HK2: variants seen among roughly 807,000 people sequenced by gnomAD.
The protein encoded by HK2 is hexokinase 2.
In HK2, 42 loss-of-function variants were observed where a neutral mutation model predicts 92.9. The ratio of observed to expected loss-of-function variants is 0.45; its 90% CI spans 0.35 to 0.58. The LOEUF is 0.58. Ranked by LOEUF, HK2 falls within the 20% of genes least tolerant of loss-of-function variation. HK2 has a pLI of 0.00. For missense variants in HK2, 978 were observed against 1,245.1 expected (o/e 0.79, Z 3.23); for synonymous variants, 422 against 468.0 (o/e 0.90, Z 1.27).
chr2:74,840,258 AT>A (rs372633486), intron 1 of HK2, among the ~76,000 whole-genome samples: 1,485 of 132,320 alleles, frequency 0.011, 5 homozygotes, highest in Middle Eastern at 0.018. Context: ...CGCGCCAGGC[AT>A]TTTTTTTTTT....
chr2:74,855,387 TGAGATG>T (rs998446854), intron 2 of HK2, among the ~76,000 whole-genome samples: 13 of 152,224 alleles, frequency 8.5e-5, no homozygotes, highest in African/African-American at 2.9e-4. Flanking sequence ...TACTTTTTTT[TGAGATG>T]GAGTCTCGCT....
intron 8 of HK2, 34 bp from the exon 9 acceptor site, chr2:74,878,654 A>G (rs1478541408): frequency 6.5e-7 from 1 of 1,528,414 alleles, no homozygotes; most frequent in African/African-American, 1.4e-5. Flanking sequence ...AGTGGGTCAG[A>G]CACAGGCCCA....
intron 9 of HK2, among the ~76,000 whole-genome samples, 166 bp from the exon 10 acceptor site, chr2:74,880,099 T>C (rs1222363582): frequency 6.6e-6 from 1 of 152,138 alleles, no homozygotes; most frequent in Non-Finnish European, 1.5e-5. Context: ...ATGGTTCTTG[T>C]AGTGGTTCCT....
intron 3 of HK2, chr2:74,868,030 G>A (rs1689002403): frequency 6.2e-6 from 3 of 483,482 alleles, no homozygotes; most frequent in Admixed American, 2.9e-5. Context: ...CAAGTAAGAC[G>A]CTGTTCAGTG....
At chr2:74,874,227 C>T (rs770934869) in intron 6 of HK2, 39 bp from the exon 7 acceptor site, 21 of 1,612,570 alleles carry the variant, frequency 1.3e-5, no homozygotes, top group African/African-American at 4.0e-5. Flanking sequence ...GGGAAGGGGC[C>T]GGAGCAGGCG....
intron 1 of HK2, among the ~76,000 whole-genome samples, chr2:74,850,481 A>G (rs531703405): frequency 1.3e-5 from 2 of 152,304 alleles, no homozygotes; most frequent in South Asian, 4.1e-4. Context: ...AGAGAGACAA[A>G]CTAGATAAAT....
intron 9 of HK2, 89 bp from the exon 10 acceptor site, chr2:74,880,176 G>A: frequency 1.4e-6 from 2 of 1,454,960 alleles, no homozygotes; most frequent in South Asian, 1.1e-5. Context: ...TTTGGCATTT[G>A]GATTAAGGCG....
chr2:74,881,691 T>A lies in HK2; in HGVS notation c.1571-20T>A, dbSNP rs934529487. On this transcript the variant is annotated intron_variant, in intron 10 of 17. Transcript: ENST00000290573. ...CCATGTTCTGCCCCAACTTATCACT[T>A]CCCTGGGCTTATTTTCCAGAGAAAG... is the stretch of plus-strand genomic sequence containing the variant. The A allele has an allele frequency of 1.2e-5, 19 of 1,613,568 alleles. No individual in the cohort carries two copies. The highest frequency in any genetic ancestry group is 2.7e-5 in the African/African-American group (2 of 74,910).
intron 17 of HK2, among the ~76,000 whole-genome samples, chr2:74,889,890 G>A (rs548108967): frequency 5.3e-5 from 8 of 152,194 alleles, no homozygotes; most frequent in African/African-American, 1.7e-4. Context: ...AGACGCATCC[G>A]CATTGAAGTA....
chr2:74,835,077 G>A, intron 1 of HK2: 1 of 258,788 alleles, frequency 3.9e-6, no homozygotes, highest in Non-Finnish European at 7.6e-6. Flanking sequence ...GGGGCCGCCG[G>A]GGGCCGTCCG....
intron 3 of HK2, among the ~76,000 whole-genome samples, chr2:74,871,189 T>C (rs1490688100): frequency 6.6e-6 from 1 of 152,218 alleles, no homozygotes; most frequent in African/African-American, 2.4e-5. Flanking sequence ...GGGGCGGGCC[T>C]AGACCCTAGA....
chr2:74,886,449 G>T, intron 14 of HK2, 41 bp from the exon 15 acceptor site: 1 of 1,613,958 alleles, frequency 6.2e-7, no homozygotes, highest in South Asian at 1.1e-5. Context: ...GGTGTGGAGG[G>T]GTTGGTGCTG....
Position 74,888,034 on chromosome 2 carries a change from C to A in HK2, c.2351C>A (p.Thr784Asn). 1.2e-6 allele frequency: 2 copies of A among 1,614,194 alleles called. No homozygotes were observed. The highest frequency in any genetic ancestry group is 1.7e-6 in the Non-Finnish European group (2 of 1,180,036). The change falls in exon 16 of 18, where the codon ACC becomes AAC. Residue 784 changes from threonine (T) to asparagine (N), a missense_variant. Transcript: ENST00000290573. ...ERLKTRGIFE[T>N]KFLSQIESDC... is the part of the protein sequence containing the mutation. ...CTCAAGACAAGGGGCATCTTTGAAA[C>A]CAAGTTCTTGTCTCAGATTGAGAGG...
In HK2 at chr2:74,886,554, G is replaced by A. The variant is rs1160966034; in HGVS notation, c.2100G>A (p.Glu700=). The change falls in exon 15 of 18, where the codon GAG becomes GAA. Residue 700 remains glutamate (E), a synonymous_variant. Transcript: ENST00000290573. ...ACGTGGAACTGGTGGAAGGAGAAGA[G>A]GGGCGGATGTGTGTGAACATGGAAT... The part of the protein sequence containing the change: ...MRNVELVEGE[E]GRMCVNMEWG... The A allele has an allele frequency of 6.2e-7, 1 of 1,613,988 alleles. No individual in the cohort carries two copies. Among genetic ancestry groups the A allele is most frequent in the African/African-American group, 1.3e-5 (1 of 75,016 alleles).
chr2:74,878,428 T>TGTGTGTGCGCACGCACATGC (rs1553449229), intron 8 of HK2, among the ~76,000 whole-genome samples: 1 of 150,878 alleles, frequency 6.6e-6, no homozygotes, highest in African/African-American at 2.5e-5. Flanking sequence ...TGTGTGTGTG[T>TGTGTGTGCGCACGCACATGC]GTGTGTGTGT....
At chr2:74,851,869 A>G (rs1688578205) in intron 1 of HK2, among the ~76,000 whole-genome samples, 1 of 152,198 alleles carries the variant, frequency 6.6e-6, no homozygotes. Context: ...TGACTGGAAT[A>G]GAAGATGGCC....
chr2:74,882,637 T>TA (rs1367398498), intron 12 of HK2, among the ~76,000 whole-genome samples: 1 of 73,038 alleles, frequency 1.4e-5, no homozygotes, highest in Non-Finnish European at 3.2e-5. Flanking sequence ...TTTAAGCACT[T>TA]ACTGTGTGCC....
rs138987337 is a variant in HK2, at chr2:74,847,078, C to T, written c.64-7215C>T. Among the ~76,000 whole-genome samples the T allele has an allele frequency of 4.2e-3, 644 of 152,196 alleles. 4 individuals are homozygous for T. The highest frequency in any genetic ancestry group is 0.014 in the African/African-American group (582 of 41,518). On this transcript the variant is annotated intron_variant, in intron 1 of 17. Transcript: ENST00000290573. ...TGGTCATCTAGGGCACCTGGAGAGA[C>T]GGTTCTAGATAATCAATTAGAAATA...
chr2:74,840,878 C>CAA lies in HK2; in HGVS notation c.63+6260_63+6261dup, dbSNP rs56344068. ...TGGGCGACAGAGCAAGACTCTGTCT[C>CAA]AAAAAAAAAAAAAAAAAAAAAAAAA... On this transcript the variant is annotated intron_variant, in intron 1 of 17. Transcript: ENST00000290573. Among the ~76,000 whole-genome samples, 163 of 55,952 alleles carry CAA rather than the reference C, an allele frequency of 2.9e-3. 10 individuals carry two copies. The highest frequency in any genetic ancestry group is 0.013 in the African/African-American group (151 of 11,378). The allele number at this position is 55,952 out of a possible 152,430, so 36.7% of individuals were successfully genotyped here.
Sources: allele counts gnomAD v4.1 joint callset (sites outside exome capture counted in the v4.1 genomes callset), GRCh38; gene constraint gnomAD v4.1.1; transcripts MANE v1.5; gene names NCBI Gene and HGNC (gene_info 2026-07-23, HGNC 2026-07-21).